Variants in KCNT2 observed in about 807,000 individuals in gnomAD.
KCNT2 encodes potassium sodium-activated channel subfamily T member 2, also known as potassium channel subfamily T member 2.
KCNT2 carries 67 observed loss-of-function variants against 153.8 expected under a neutral mutation model. The observed-to-expected ratio is 0.44, with a 90% CI of 0.36 to 0.53. KCNT2 has a LOEUF of 0.53. Among genes scored for constraint, KCNT2 ranks in the 20% least tolerant of loss-of-function variants. The probability of loss-of-function intolerance (pLI) is 0.00; values close to 1 mark genes in which losing one functional copy is unlikely to be tolerated. For missense variants in KCNT2, 975 were observed against 1,354.8 expected, an observed-to-expected ratio of 0.72 and a Z score of 4.40; for synonymous variants, 500 against 458.8, an observed-to-expected ratio of 1.09 and a Z score of -1.15.
intron 26 of KCNT2, chr1:196,257,634 T>A: frequency 1.1e-6 from 1 of 947,600 alleles, no homozygotes; most frequent in Non-Finnish European, 1.3e-6. Flanking sequence ...ATAGTGTCTA[T>A]ATGGCAATTA....
chr1:196,281,427 G>A (rs535954027), intron 24 of KCNT2, among the ~76,000 whole-genome samples: 11 of 152,248 alleles, frequency 7.2e-5, no homozygotes, highest in Admixed American at 7.2e-4. Flanking sequence ...GGTATTTAAT[G>A]TACAGGGTAT....
chr1:196,407,764 TC>T (rs766514389), intron 12 of KCNT2, among the ~76,000 whole-genome samples: 16 of 151,492 alleles, frequency 1.1e-4, no homozygotes, highest in Non-Finnish European at 2.1e-4. Context: ...TACCATATGT[TC>T]AAAAATGCAT....
chr1:196,525,516 G>A (rs990704863), intron 1 of KCNT2, among the ~76,000 whole-genome samples: 5 of 152,156 alleles, frequency 3.3e-5, no homozygotes, highest in African/African-American at 1.2e-4. Context: ...GAGTTATAGG[G>A]CTGCTGTCTG....
At chr1:196,441,645 C>T (rs1253651726) in intron 8 of KCNT2, among the ~76,000 whole-genome samples, 1 of 151,484 alleles carries the variant, frequency 6.6e-6, no homozygotes, top group East Asian at 1.9e-4. Flanking sequence ...CTTCTTTCAT[C>T]ATTAATGATT....
chr1:196,248,694 T>C (rs1655668151), intron 26 of KCNT2, among the ~76,000 whole-genome samples: 1 of 152,132 alleles, frequency 6.6e-6, no homozygotes, highest in South Asian at 2.1e-4. Context: ...CCCTTATGGC[T>C]ACACTCCCGA....
rs193176406 is a variant in KCNT2 at position 196,542,161 on chromosome 1, A to T, written c.96-49820T>A. ...ATGATGTGAAAGGTTTAAATAACCA[A>T]CTCATTTACACTAACCCAAAATCCG... On this transcript the variant is annotated intron_variant, in intron 1 of 27. Transcript: ENST00000294725. Among the ~76,000 whole-genome samples, 199 of 152,278 alleles carry T rather than the reference A, an allele frequency of 1.3e-3. 2 individuals are homozygous for T. Among genetic ancestry groups the T allele is most frequent in the African/African-American group, 4.5e-3 (188 of 41,574 alleles).
intron 3 of KCNT2, among the ~76,000 whole-genome samples, chr1:196,483,100 A>C (rs1268811133): frequency 6.6e-6 from 1 of 152,138 alleles, no homozygotes; most frequent in Non-Finnish European, 1.5e-5. Flanking sequence ...GAAAAGATAA[A>C]AATAATTACA....
At chr1:196,572,976 T>A (rs546942262) in intron 1 of KCNT2, among the ~76,000 whole-genome samples, 8 of 152,194 alleles carry the variant, frequency 5.3e-5, no homozygotes, top group African/African-American at 1.4e-4. Flanking sequence ...GATGCTAGGA[T>A]AAAATAAGCT....
chr1:196,539,260 G>A (rs869257), intron 1 of KCNT2, among the ~76,000 whole-genome samples: 72,819 of 152,010 alleles, frequency 0.48, 19,809 homozygotes, highest in Middle Eastern at 0.73. Flanking sequence ...GATGCCATAC[G>A]TTAACTAATT....
At chr1:196,591,028 G>A (rs1237621314) in intron 1 of KCNT2, among the ~76,000 whole-genome samples, 1 of 152,132 alleles carries the variant, frequency 6.6e-6, no homozygotes, top group Non-Finnish European at 1.5e-5. Context: ...TCGAGAGGCT[G>A]AGGCATGAGA....
intron 25 of KCNT2, among the ~76,000 whole-genome samples, chr1:196,271,759 G>A (rs1658085161): frequency 6.6e-6 from 1 of 151,928 alleles, no homozygotes; most frequent in South Asian, 2.1e-4. Flanking sequence ...GCCTATCTGT[G>A]AATTAGGATG....
intron 8 of KCNT2, among the ~76,000 whole-genome samples, chr1:196,451,795 T>A (rs1431136433): frequency 6.6e-6 from 1 of 151,846 alleles, no homozygotes; most frequent in Non-Finnish European, 1.5e-5. Context: ...TTACTGTTTT[T>A]TCTTTTACTT....
At position 196,258,391 on chromosome 1, in the gene KCNT2, G is replaced by A. The variant is rs190445712; in HGVS notation, c.3014C>T (p.Ser1005Leu). Reference sequence around the variant, plus strand: ...TTTTCTCCGCAGCAAGGGATGGTCCGACTGATCACTGGATGTTGAGTTGCG... The same window carrying A: ...TTTTCTCCGCAGCAAGGGATGGTCCAACTGATCACTGGATGTTGAGTTGCG... ...NHRNSTSSDQ[S>L]DHPLLRRKSM... The change falls in exon 26 of 28, where the codon TCG becomes TTG. Residue 1005 changes from serine (S) to leucine (L), a missense_variant. Ser to Leu is a moderately radical substitution (Grantham distance 145, BLOSUM62 -2). Around this residue, in one of 6 missense-constraint regions of KCNT2, gnomAD observed 241 missense variants for 271.1 expected, o/e 0.89. Coordinates refer to ENST00000294725, the MANE Select transcript of KCNT2 (RefSeq NM_198503.5). The A allele has an allele frequency of 8.8e-5, 142 of 1,613,988 alleles. No individual in the cohort carries two copies. The highest frequency in any genetic ancestry group is 1.1e-4 in the Non-Finnish European group (126 of 1,179,996).
chr1:196,586,098 T>TA (rs1478669355), intron 1 of KCNT2, among the ~76,000 whole-genome samples: 4 of 151,672 alleles, frequency 2.6e-5, no homozygotes, highest in Non-Finnish European at 5.9e-5. Context: ...CATCTCTATT[T>TA]AAAAAAATAC....
intron 26 of KCNT2, among the ~76,000 whole-genome samples, chr1:196,250,452 T>C (rs1655858271): frequency 6.6e-6 from 1 of 152,164 alleles, no homozygotes; most frequent in African/African-American, 2.4e-5. Context: ...AGCTAGACCA[T>C]TACCTCTCAC....
At chr1:196,290,579 T>TAC (rs994450679) in intron 22 of KCNT2, among the ~76,000 whole-genome samples, 122 of 150,786 alleles carry the variant, frequency 8.1e-4, no homozygotes, top group South Asian at 3.6e-3. Context: ...TATATATATA[T>TAC]ACACACACAC....
At position 196,553,840 on chromosome 1, in the gene KCNT2, T is replaced by C. The variant is rs1658276253; in HGVS notation, c.95+54375A>G. Among the ~76,000 whole-genome samples the C allele has an allele frequency of 2.0e-5, 3 of 151,074 alleles. No individual in the cohort carries two copies. In the South Asian group the frequency reaches 6.2e-4, roughly 31 times the overall value. ...ATAACAATAGCAATTATGAAAGGTG[T>C]AAAAACACATAGATATTAAGCAGTA... is the stretch of plus-strand genomic sequence containing the variant. On this transcript the variant is annotated intron_variant, in intron 1 of 27. Transcript: ENST00000294725.
At chr1:196,426,124 T>C in intron 10 of KCNT2, 136 bp from the exon 11 acceptor site, 1 of 648,324 alleles carries the variant, frequency 1.5e-6, no homozygotes, top group Non-Finnish European at 2.6e-6. Context: ...ATTTCACATT[T>C]AAAACCTGGA....
chr1:196,344,887 T>C (rs565740623), intron 14 of KCNT2, among the ~76,000 whole-genome samples: 8 of 152,332 alleles, frequency 5.3e-5, no homozygotes, highest in African/African-American at 1.9e-4. Context: ...TTTTTTTCTT[T>C]ATGATTTCTT....
Sources: allele counts gnomAD v4.1 joint callset (sites outside exome capture counted in the v4.1 genomes callset), GRCh38; gene constraint gnomAD v4.1.1; regional missense constraint gnomAD v4.1.1; transcripts MANE v1.5; gene names NCBI Gene and HGNC (gene_info 2026-07-23, HGNC 2026-07-21).